Variants in WDR19 observed in about 807,000 individuals in gnomAD.
WDR19 encodes WD repeat-containing protein 19.
Under a neutral mutation model 180.0 loss-of-function variants are expected in WDR19, and 121 were observed. The ratio of observed to expected loss-of-function variants is 0.67; its 90% CI spans 0.58 to 0.78. The LOEUF (loss-of-function observed/expected upper bound fraction) is 0.78, where lower values mean the gene tolerates loss of function less well. WDR19 is among the 30% of genes least tolerant of loss of function. WDR19 has a pLI of 0.00. For missense variants in WDR19, 1,450 were observed against 1,640.7 expected, an observed-to-expected ratio of 0.88 and a Z score of 2.01; for synonymous variants, 497 against 540.7, an observed-to-expected ratio of 0.92 and a Z score of 1.12.
In WDR19 at chr4:39,226,187, G is replaced by A. The variant is rs559527956; in HGVS notation, c.1629+1154G>A. On this transcript the variant is annotated intron_variant, in intron 15 of 36. Transcript: ENST00000399820. ...AGGGTAAATCAGGTATCTGTCAGGA[G>A]TTAAATTCAGAAATAGGGTGTAGCT... 3.3e-5 allele frequency among the ~76,000 whole-genome samples: 5 copies of A among 152,336 alleles called. No homozygotes were observed. The South Asian group carries it at 1.0e-3, about 32-fold the overall frequency.
intron 12 of WDR19, 115 bp from the exon 13 acceptor site, chr4:39,217,019 G>A: frequency 1.6e-6 from 1 of 629,052 alleles, no homozygotes; most frequent in Non-Finnish European, 2.7e-6. Flanking sequence ...AGATTAAAAT[G>A]AAATTTTAAG....
chr4:39,283,461 C>T (rs969930030), intron 36 of WDR19, among the ~76,000 whole-genome samples: 8 of 151,470 alleles, frequency 5.3e-5, no homozygotes, highest in African/African-American at 1.9e-4. Flanking sequence ...TTTTATTTGT[C>T]CTATCCACTT....
chr4:39,226,148 T>TAC (rs3068450), intron 15 of WDR19, among the ~76,000 whole-genome samples: 52,052 of 151,982 alleles, frequency 0.34, 9,318 homozygotes, highest in African/African-American at 0.44. Flanking sequence ...AGACAGAATA[T>TAC]ACAAGAGAGT....
intron 19 of WDR19, 64 bp from the exon 20 acceptor site, chr4:39,234,702 C>A: frequency 9.7e-7 from 1 of 1,027,712 alleles, no homozygotes; most frequent in Non-Finnish European, 1.5e-6. Flanking sequence ...AAAACTAGCT[C>A]TTTGTGGTAA....
At chr4:39,279,071 G>C (rs1333865251) in intron 36 of WDR19, among the ~76,000 whole-genome samples, 1 of 151,972 alleles carries the variant, frequency 6.6e-6, no homozygotes, top group Non-Finnish European at 1.5e-5. Context: ...TCCCATTTTT[G>C]TCACGTGGAA....
intron 6 of WDR19, among the ~76,000 whole-genome samples, chr4:39,201,680 G>A (rs7666082): frequency 0.97 from 147,685 of 152,238 alleles, 71,788 homozygotes; most frequent in Middle Eastern, 1. Context: ...AAATGCTACA[G>A]CTCCCCTCTC....
chr4:39,182,674 A>C, intron 1 of WDR19, 111 bp downstream of exon 1: 1 of 1,492,882 alleles, frequency 6.7e-7, no homozygotes, highest in Non-Finnish European at 9.1e-7. Flanking sequence ...GTTGGAAATG[A>C]GGAAGAGAGA....
rs1369925316 is a variant in WDR19 at position 39,225,156 on chromosome 4, G to A, written c.1629+123G>A. The A allele has an allele frequency of 9.6e-5, 67 of 697,582 alleles. 1 individual carries two copies. The highest frequency in any genetic ancestry group is 1.3e-5 in the Non-Finnish European group (6 of 473,400). The allele number at this position is 697,582 out of a possible 1,614,324, so 43.2% of individuals were successfully genotyped here. ...GTGCCAAGGATTGTAGTTCTTTGCT[G>A]TCATCTTCATAATATCATGTTTATG... On this transcript the variant is annotated intron_variant, in intron 15 of 36. Transcript: ENST00000399820.
At chr4:39,201,080 G>A (rs550608555) in intron 6 of WDR19, among the ~76,000 whole-genome samples, 4 of 152,168 alleles carry the variant, frequency 2.6e-5, no homozygotes, top group South Asian at 2.1e-4. Flanking sequence ...GGTTGGGGTC[G>A]GGGGTTTCCT....
intron 9 of WDR19, among the ~76,000 whole-genome samples, chr4:39,209,711 C>A (rs371489512): frequency 0.023 from 2,526 of 107,506 alleles, no homozygotes; most frequent in African/African-American, 0.025. Flanking sequence ...GACTCTGTCT[C>A]AAAAAAAAAA....
At chr4:39,282,605 C>T (rs887636275) in intron 36 of WDR19, among the ~76,000 whole-genome samples, 1 of 152,084 alleles carries the variant, frequency 6.6e-6, no homozygotes, top group Non-Finnish European at 1.5e-5. Context: ...ACCATGTTGG[C>T]CAGGCTGGTC....
chr4:39,281,234 T>TAGAGAGAGAGAGAGAGAGAGAGAGAG (rs1189043858), intron 36 of WDR19, among the ~76,000 whole-genome samples: 26 of 108,354 alleles, frequency 2.4e-4, no homozygotes, highest in Non-Finnish European at 3.5e-4. Flanking sequence ...TATATATATA[T>TAGAGAGAGAGAGAGAGAGAGAGAGAG]ATAGAGAGAG....
intron 13 of WDR19, among the ~76,000 whole-genome samples, 171 bp from the exon 14 acceptor site, chr4:39,217,812 A>C (rs1729223725): frequency 6.6e-6 from 1 of 152,180 alleles, no homozygotes; most frequent in African/African-American, 2.4e-5. Context: ...CATCTGTGCT[A>C]CCTTGCTGGC....
intron 3 of WDR19, 46 bp downstream of exon 3, chr4:39,186,650 C>A: frequency 7.7e-7 from 1 of 1,306,428 alleles, no homozygotes; most frequent in Non-Finnish European, 1.0e-6. Context: ...GTTTTGTTGC[C>A]TAAAAGATTA....
intron 31 of WDR19, 46 bp from the exon 32 acceptor site, chr4:39,272,934 G>A: frequency 6.9e-7 from 1 of 1,454,200 alleles, no homozygotes; most frequent in Non-Finnish European, 9.3e-7. Context: ...ATGAATTGGG[G>A]CTAATCAATG....
At chr4:39,185,867 A>C in intron 2 of WDR19, 50 bp downstream of exon 2, 1 of 1,409,896 alleles carries the variant, frequency 7.1e-7, no homozygotes, top group Non-Finnish European at 9.7e-7. Flanking sequence ...CCATGTAATC[A>C]CACCATCTAC....
At chr4:39,270,997 C>T (rs1191992878) in intron 31 of WDR19, among the ~76,000 whole-genome samples, 1 of 150,234 alleles carries the variant, frequency 6.7e-6, no homozygotes, top group East Asian at 2.0e-4. Flanking sequence ...CTGCTTCAAG[C>T]AATTCCCCTG....
intron 28 of WDR19, among the ~76,000 whole-genome samples, chr4:39,265,579 G>A (rs1013622613): frequency 2.0e-5 from 3 of 151,616 alleles, no homozygotes; most frequent in Non-Finnish European, 4.4e-5. Flanking sequence ...CGAGACCATC[G>A]TGGCCAACAT....
chr4:39,241,806 AAAAG>A (rs1030979246), intron 21 of WDR19, among the ~76,000 whole-genome samples: 9 of 151,472 alleles, frequency 5.9e-5, no homozygotes, highest in Admixed American at 1.3e-4. Context: ...AAAAAAAAAA[AAAAG>A]AAAGAAAGAA....
Sources: gnomAD v4.1 joint callset for allele counts (sites outside exome capture counted in the v4.1 genomes callset) on GRCh38, gnomAD v4.1.1 for gene constraint, MANE v1.5 for transcripts, NCBI Gene and HGNC (gene_info 2026-07-23, HGNC 2026-07-21) for gene names.